RBSN: variants seen among roughly 807,000 people sequenced by gnomAD.
RBSN encodes the protein rabenosyn-5.
RBSN carries 34 observed loss-of-function variants against 60.5 expected under a neutral mutation model. The observed-to-expected ratio is 0.56, with a 90% CI of 0.43 to 0.75. RBSN has a LOEUF of 0.75. Among genes scored for constraint, RBSN ranks in the 30% least tolerant of loss-of-function variants. The pLI is 0.00. For synonymous variants in RBSN, 322 were observed against 366.9 expected (o/e 0.88, Z 1.40); for missense variants, 845 against 986.8 (o/e 0.86, Z 1.92).
At position 15,093,023 on chromosome 3, in the gene RBSN, TG is replaced by T. The variant is rs2043556972; in HGVS notation, c.149-2485del. 1.1e-4 allele frequency among the ~76,000 whole-genome samples: 16 copies of T among 152,324 alleles called. No individual in the cohort carries two copies. In the South Asian group the frequency reaches 3.3e-3, roughly 32 times the overall value. On this transcript the variant is annotated intron_variant, in intron 4 of 13. Coordinates refer to ENST00000253699, the MANE Select transcript of RBSN (RefSeq NM_022340.4). ...TATCTTTTCTTCTACTTACTGAAAA[TG>T]GGCTAGACTGGAGCTGAACCAGGAC...
chr3:15,078,535 G>A (rs1340630270), intron 10 of RBSN, among the ~76,000 whole-genome samples: 2 of 151,688 alleles, frequency 1.3e-5, no homozygotes, highest in Non-Finnish European at 2.9e-5. Flanking sequence ...GGCTTTTCTC[G>A]CTCAAAAGTA....
In RBSN at chr3:15,075,250, T is replaced by G. The variant is rs1460649687; in HGVS notation, c.1207-320A>C. 1.5e-5 allele frequency: 9 copies of G among 589,738 alleles called. No homozygotes were observed. In the East Asian group the frequency reaches 2.6e-4, roughly 17 times the overall value. 36.5% of individuals were successfully genotyped at this position (589,738 alleles called of 1,614,324 possible). On this transcript the variant is annotated intron_variant, in intron 13 of 13. Transcript: ENST00000253699. ...ATCTACACTGGAATCTCACGCAGCG[T>G]TAAATACACATATAATTTTCTGTTT... is the stretch of plus-strand genomic sequence containing the variant.
In RBSN at chr3:15,082,647, A is replaced by C; in HGVS notation, c.599-39T>G. On this transcript the variant is annotated intron_variant, in intron 8 of 13. Transcript: ENST00000253699. This position sits in a 1 kb window ranked among gnomAD's most constrained non-coding sequence, Gnocchi z 4.2. ...ACCAACAGGCAGCAATGACCCCCACAGCATCCAATTACCATACCCACGACC... is the reference window on the plus strand; with the variant it reads ...ACCAACAGGCAGCAATGACCCCCACCGCATCCAATTACCATACCCACGACC... 1.9e-6 allele frequency: 3 copies of C among 1,605,364 alleles called. No homozygotes were observed. Among genetic ancestry groups the C allele is most frequent in the Non-Finnish European group, 2.6e-6 (3 of 1,174,568 alleles).
At position 15,096,310 on chromosome 3, in the gene RBSN, G is replaced by GA. The variant is rs879676146; in HGVS notation, c.-168-23dup. The GA allele has an allele frequency of 3.2e-4, 167 of 528,604 alleles. 1 individual carries two copies. The highest frequency in any genetic ancestry group is 1.4e-3 in the Admixed American group (36 of 26,128). The allele number at this position is 528,604 out of a possible 1,614,324, so 32.7% of individuals were successfully genotyped here. A position where few individuals can be genotyped will look rare whatever the true frequency, so the allele number is the denominator to read the frequency against. ...AGCCCTAAGAAAGAAAAGAAGAAGG[G>GA]AAAAAAGCCAATTCAGGCAAACTGG... On this transcript the variant is annotated intron_variant, in intron 3 of 13. Transcript: ENST00000253699.
chr3:15,097,522 GTAAATAAA>G (rs58929766), intron 2 of RBSN, among the ~76,000 whole-genome samples: 6 of 151,568 alleles, frequency 4.0e-5, no homozygotes, highest in African/African-American at 9.7e-5. Flanking sequence ...TCTCAAAAAA[GTAAATAAA>G]TAAATAAATA....
In RBSN at chr3:15,074,193, C is replaced by G; in HGVS notation, c.1944G>C (p.Gly648=). 1 of 1,610,836 alleles carries G rather than the reference C, an allele frequency of 6.2e-7. No homozygotes were observed. The highest frequency in any genetic ancestry group is 8.5e-7 in the Non-Finnish European group (1 of 1,178,106). The change falls in exon 14 of 14, where the codon GGG becomes GGC. Residue 648 remains glycine (G), a synonymous_variant. Coordinates refer to ENST00000253699, the MANE Select transcript of RBSN (RefSeq NM_022340.4). This position sits in a 1 kb window ranked among gnomAD's most constrained non-coding sequence, Gnocchi z 6.4. ...TGCGGGCTGAAGGGTCTAAGGAAAC[C>G]CCTGCAGCAGGAGGACCAGTAGTGG... ...EEATTGPPAA[G]VSLDPSARIL... is the part of the protein sequence containing the mutation.
Position 15,096,244 on chromosome 3 carries a change from C to CT in RBSN, c.-125dup. On this transcript the variant is annotated 5_prime_UTR_variant, in exon 4 of 14. It removes the in-frame stop codon of an upstream open reading frame in the 5' UTR. Coordinates refer to ENST00000253699, the MANE Select transcript of RBSN (RefSeq NM_022340.4). Reference sequence around the variant, plus strand: ...CAGCACACAGATGGTGAGGAAGTGGCTTCATGGCCCTGGATGAGGTTTCCT... The same window carrying CT: ...CAGCACACAGATGGTGAGGAAGTGGCTTTCATGGCCCTGGATGAGGTTTCCT... The CT allele has an allele frequency of 9.5e-7, 1 of 1,048,234 alleles. No individual in the cohort carries two copies. Among genetic ancestry groups the CT allele is most frequent in the Non-Finnish European group, 1.3e-6 (1 of 776,422 alleles). 64.9% of individuals were successfully genotyped at this position (1,048,234 alleles called of 1,614,324 possible). A position where few individuals can be genotyped will look rare whatever the true frequency, so the allele number is the denominator to read the frequency against.
intron 5 of RBSN, among the ~76,000 whole-genome samples, chr3:15,086,862 T>C (rs2043356603): frequency 6.6e-6 from 1 of 152,176 alleles, no homozygotes; most frequent in African/African-American, 2.4e-5. Context: ...GCAACACAAA[T>C]AGCTTACTGT....
At position 15,075,695 on chromosome 3, in the gene RBSN, A is replaced by C; in HGVS notation, c.1117T>G (p.Leu373Val). 2 of 1,614,158 alleles carry C rather than the reference A, an allele frequency of 1.2e-6. 1 individual carries two copies. The highest frequency in any genetic ancestry group is 2.2e-5 in the South Asian group (2 of 91,074). ...TLFVQEKLLGLMSLPTKEQFE... is the reference protein window; with the variant it reads ...TLFVQEKLLGVMSLPTKEQFE... Reference sequence around the variant, plus strand: ...TGTTCTTTGGTTGGCAGTGACATCAAACCAAGCAACTTTTCCTGCAGGGAG... The same window carrying C: ...TGTTCTTTGGTTGGCAGTGACATCACACCAAGCAACTTTTCCTGCAGGGAG... The change falls in exon 13 of 14, where the codon TTG (leucine) becomes GTG (valine). Residue 373 changes from leucine to valine, a missense_variant. By Grantham distance (32) the Leu-to-Val change is conservative (BLOSUM62 1). Transcript: ENST00000253699.
chr3:15,079,451 A>G (rs932165586), intron 10 of RBSN, among the ~76,000 whole-genome samples: 3 of 152,238 alleles, frequency 2.0e-5, no homozygotes, highest in African/African-American at 7.2e-5. Context: ...CCCGAGAGAA[A>G]TGAAAACATG....
chr3:15,080,602 C>A, intron 10 of RBSN, 130 bp downstream of exon 10: 2 of 855,912 alleles, frequency 2.3e-6, no homozygotes, highest in South Asian at 1.6e-5. Context: ...GGAAAAAAAC[C>A]AACTTCAGCT....
At chr3:15,075,741 A>G (rs1446063381) in intron 12 of RBSN, 31 bp from the exon 13 acceptor site, 2 of 1,576,776 alleles carry the variant, frequency 1.3e-6, no homozygotes, top group Non-Finnish European at 1.7e-6. Flanking sequence ...TTTTACACTT[A>G]AACCCTTTTA....
chr3:15,079,186 A>G (rs549149828), intron 10 of RBSN, among the ~76,000 whole-genome samples: 30 of 152,340 alleles, frequency 2.0e-4, no homozygotes, highest in African/African-American at 7.2e-4. Flanking sequence ...CAACTCTGTC[A>G]TGGTGGTGCA....
intron 5 of RBSN, among the ~76,000 whole-genome samples, chr3:15,089,478 C>CAAAAAAAAAAAAAAAAAAAAAAAAAA (rs796324060): frequency 1.3e-5 from 1 of 79,264 alleles, no homozygotes; most frequent in African/African-American, 4.9e-5. Flanking sequence ...AAAAAAAAAA[C>CAAAAAAAAAAAAAAAAAAAAAAAAAA]AAAAAAAAAA....
intron 2 of RBSN, among the ~76,000 whole-genome samples, chr3:15,096,928 T>G (rs966424118): frequency 2.0e-5 from 3 of 152,184 alleles, no homozygotes; most frequent in African/African-American, 7.2e-5. Flanking sequence ...TGAGCTATAA[T>G]TGCTCACAAC....
rs148691783 is a variant in RBSN at position 15,079,465 on chromosome 3, A to T, written c.911+1267T>A. ...ACCCGAGAGAAATGAAAACATGTCT[A>T]CACAAAAAACATAAAAACTTGTACT... On this transcript the variant is annotated intron_variant, in intron 10 of 13. Coordinates refer to ENST00000253699, the MANE Select transcript of RBSN (RefSeq NM_022340.4). 2.0e-3 allele frequency among the ~76,000 whole-genome samples: 311 copies of T among 152,372 alleles called. 1 individual carries two copies. Among genetic ancestry groups the T allele is most frequent in the African/African-American group, 7.1e-3 (295 of 41,586 alleles).
At chr3:15,096,854 C>G (rs1213317202) in intron 2 of RBSN, 144 bp from the exon 3 acceptor site, 4 of 152,110 alleles carry the variant, frequency 2.6e-5, no homozygotes, top group African/African-American at 9.7e-5. Context: ...TTGTAGAGCA[C>G]TTATCTCTAA....
chr3:15,089,208 G>A (rs2043429017), intron 5 of RBSN, among the ~76,000 whole-genome samples: 1 of 152,116 alleles, frequency 6.6e-6, no homozygotes, highest in Non-Finnish European at 1.5e-5. Context: ...GCTCACACCT[G>A]TAATCCTGGC....
At chr3:15,079,660 G>A (rs2043151891) in intron 10 of RBSN, among the ~76,000 whole-genome samples, 1 of 152,188 alleles carries the variant, frequency 6.6e-6, no homozygotes, top group Non-Finnish European at 1.5e-5. Flanking sequence ...ACAGTACACT[G>A]TGTGAAAGAA....
Sources: allele counts gnomAD v4.1 joint callset (sites outside exome capture counted in the v4.1 genomes callset), GRCh38; gene constraint gnomAD v4.1.1; non-coding constraint Gnocchi (gnomAD v3.1); transcripts MANE v1.5; gene names NCBI Gene and HGNC (gene_info 2026-07-23, HGNC 2026-07-21).